Variants in INTS8 observed in about 807,000 individuals in gnomAD.
The protein encoded by INTS8 is protein kaonashi-1.
INTS8 carries 47 observed loss-of-function variants against 138.9 expected under a neutral mutation model. The observed-to-expected ratio is 0.34, with a 90% CI of 0.27 to 0.43. The LOEUF is 0.43. Among genes scored for constraint, INTS8 ranks in the 20% least tolerant of loss-of-function variants. The pLI is 1.00. For missense variants in INTS8, 996 were observed against 1,173.0 expected, an observed-to-expected ratio of 0.85 and a Z score of 2.20; for synonymous variants, 392 against 400.9, an observed-to-expected ratio of 0.98 and a Z score of 0.27.
intron 16 of INTS8, among the ~76,000 whole-genome samples, chr8:94,861,096 C>A (rs1173056809): frequency 6.7e-6 from 1 of 148,966 alleles, no homozygotes; most frequent in Admixed American, 6.7e-5. Context: ...CTGTGTTTTT[C>A]TGGGAACTTT....
rs368546594 is a variant in INTS8 at position 94,873,491 on chromosome 8, G to C, written c.2637+14G>C. ...TATACAGACCAGGTGAATTGTTTTC[G>C]TGGGCTGGCTGGTTTCTTGCCTACC... On this transcript the variant is annotated intron_variant, in intron 22 of 26. Transcript: ENST00000523731. The C allele has an allele frequency of 5.1e-6, 8 of 1,558,506 alleles. No individual in the cohort carries two copies. Among genetic ancestry groups the C allele is most frequent in the South Asian group, 2.2e-5 (2 of 89,836 alleles).
intron 13 of INTS8, among the ~76,000 whole-genome samples, chr8:94,853,192 T>C (rs139223150): frequency 6.6e-6 from 1 of 152,168 alleles, no homozygotes; most frequent in Non-Finnish European, 1.5e-5. Context: ...CGCACCTGTA[T>C]TTCCAGCTAC....
In INTS8 at chr8:94,876,481, CA is replaced by C; in HGVS notation, c.2866del (p.Ile956LeufsTer11). 6.4e-7 allele frequency: 1 copy of C among 1,552,768 alleles called. No individual in the cohort carries two copies. On this transcript the variant is annotated frameshift_variant, in exon 26 of 27. Coordinates refer to ENST00000523731, the MANE Select transcript of INTS8 (RefSeq NM_017864.4). LOFTEE classifies it high-confidence loss of function. ...TAAAAGAGGAGAAACAGATAAAAGA[CA>C]AATTGCAGTAAGTTACCTTATGCCT... Reference protein sequence around the residue: ...HHKRGETDKRQIAIKAIGQTE... With the variant: ...HHKRGETDKRXIAIKAIGQTE...
intron 20 of INTS8, among the ~76,000 whole-genome samples, chr8:94,868,381 T>C (rs1816260838): frequency 6.6e-6 from 1 of 152,194 alleles, no homozygotes; most frequent in Non-Finnish European, 1.5e-5. Flanking sequence ...GACAAGCTGA[T>C]AATAGAATAA....
chr8:94,829,942 A>G (rs1166375196), intron 5 of INTS8, among the ~76,000 whole-genome samples: 1 of 152,192 alleles, frequency 6.6e-6, no homozygotes, highest in African/African-American at 2.4e-5. Flanking sequence ...CTCTGTTACC[A>G]GGCCGGAGTG....
Position 94,874,247 on chromosome 8 carries a change from G to GT in INTS8, c.2638-294dup, listed in dbSNP as rs35033167. Among the ~76,000 whole-genome samples, 275 of 148,444 alleles carry GT rather than the reference G, an allele frequency of 1.9e-3. 1 individual carries two copies. The highest frequency in any genetic ancestry group is 6.8e-3 in the South Asian group (32 of 4,692). The stretch of plus-strand genomic sequence containing the variant: ...CTGCACCTGGTGTCAAATTTTGTCC[G>GT]TTTTTTTTTTTGATATGCATTGCCA... On this transcript the variant is annotated intron_variant, in intron 22 of 26. Coordinates refer to ENST00000523731, the MANE Select transcript of INTS8 (RefSeq NM_017864.4).
rs536015497 is a variant in INTS8, at chr8:94,853,861, A to G, written c.1698A>G (p.Thr566=). ...TCCTGGGAATTAAAGACAATTTAAC[A>G]AGAGATTTGGTTTATATTCTTATGG... The part of the protein sequence containing the change: ...GVILGIKDNL[T]RDLVYILMAK... Residue 566 remains threonine, a synonymous_variant, in exon 14 of 27, where the codon ACA becomes ACG. Transcript: ENST00000523731. The G allele has an allele frequency of 2.5e-6, 4 of 1,612,230 alleles. No homozygotes were observed. In the African/African-American group the frequency reaches 4.0e-5, roughly 16 times the overall value.
chr8:94,835,537 C>T (rs1364745990), intron 6 of INTS8, among the ~76,000 whole-genome samples: 2 of 152,024 alleles, frequency 1.3e-5, no homozygotes, highest in Non-Finnish European at 1.5e-5. Context: ...GGCTCCCCAG[C>T]GTTTTTTCCC....
At chr8:94,877,244 T>G (rs1313416515) in intron 26 of INTS8, among the ~76,000 whole-genome samples, 2 of 152,204 alleles carry the variant, frequency 1.3e-5, no homozygotes, top group African/African-American at 2.4e-5. Context: ...TGTCTAACAT[T>G]TACTGTGGCA....
chr8:94,850,009 G>A lies in INTS8; in HGVS notation c.1425G>A (p.Lys475=). 1 of 1,613,262 alleles carries A rather than the reference G, an allele frequency of 6.2e-7. No homozygotes were observed. The highest frequency in any genetic ancestry group is 8.5e-7 in the Non-Finnish European group (1 of 1,179,300). The part of the protein sequence containing the change: ...FITLLKDEER[K]LLVDQMRKRS... Reference sequence around the variant, plus strand: ...CATTGTTGAAAGATGAAGAACGAAAGCTACTTGTTGATCAGATGAGGAAGA... The same window carrying A: ...CATTGTTGAAAGATGAAGAACGAAAACTACTTGTTGATCAGATGAGGAAGA... The change falls in exon 12 of 27, where the codon AAG becomes AAA. Residue 475 remains lysine, a synonymous_variant. Coordinates refer to ENST00000523731, the MANE Select transcript of INTS8 (RefSeq NM_017864.4).
chr8:94,841,976 C>T (rs900747938), intron 9 of INTS8, among the ~76,000 whole-genome samples: 3 of 151,146 alleles, frequency 2.0e-5, no homozygotes, highest in South Asian at 2.1e-4. Context: ...GGCTGAGGCA[C>T]GAGAATCGCT....
chr8:94,830,772 A>G (rs1814683666), intron 5 of INTS8, among the ~76,000 whole-genome samples: 1 of 152,102 alleles, frequency 6.6e-6, no homozygotes, highest in Non-Finnish European at 1.5e-5. Context: ...TGCTGGTATT[A>G]CATATATGAG....
chr8:94,864,996 AT>A (rs1391080426), intron 16 of INTS8, among the ~76,000 whole-genome samples: 1 of 149,020 alleles, frequency 6.7e-6, no homozygotes, highest in Non-Finnish European at 1.5e-5. Context: ...TCCTTTCCTT[AT>A]TTTTTTCGTT....
intron 20 of INTS8, 118 bp downstream of exon 20, chr8:94,867,455 G>C: frequency 1.5e-6 from 1 of 679,600 alleles, no homozygotes; most frequent in East Asian, 2.8e-5. Context: ...AGATTCTACA[G>C]TCTTTGTGTT....
At chr8:94,879,487 T>TG (rs1816707045) in intron 26 of INTS8, among the ~76,000 whole-genome samples, 1 of 151,160 alleles carries the variant, frequency 6.6e-6, no homozygotes, top group African/African-American at 2.4e-5. Flanking sequence ...CCCAGCTACT[T>TG]GGGAGGCTGA....
chr8:94,866,273 C>A (rs1375198427), intron 18 of INTS8, 82 bp downstream of exon 18: 3 of 759,578 alleles, frequency 3.9e-6, no homozygotes, highest in Admixed American at 3.8e-5. Context: ...ACTTCAAATA[C>A]TGACTAAATT....
intron 20 of INTS8, among the ~76,000 whole-genome samples, chr8:94,869,376 G>T (rs1816304295): frequency 6.6e-6 from 1 of 152,076 alleles, no homozygotes; most frequent in African/African-American, 2.4e-5. Context: ...ACCCAAGCTG[G>T]AGTGCAATGG....
chr8:94,881,372 G>T lies in INTS8; in HGVS notation c.*1138G>T. ...AAACATTGCTATGGTATAGACTGTG[G>T]TTGGCTTCTATCCAGTAACCTTGGG... On this transcript the variant is annotated 3_prime_UTR_variant, in exon 27 of 27. Coordinates refer to ENST00000523731, the MANE Select transcript of INTS8 (RefSeq NM_017864.4). 1 of 506,080 alleles carries T rather than the reference G, an allele frequency of 2.0e-6. No homozygotes were observed. Among genetic ancestry groups the T allele is most frequent in the South Asian group, 3.1e-5 (1 of 32,784 alleles). The allele number at this position is 506,080 out of a possible 1,614,324, so 31.3% of individuals were successfully genotyped here. A position where few individuals can be genotyped will look rare whatever the true frequency, so the allele number is the denominator to read the frequency against.
intron 2 of INTS8, 50 bp from the exon 3 acceptor site, chr8:94,827,213 G>A: frequency 6.5e-7 from 1 of 1,533,464 alleles, no homozygotes; most frequent in South Asian, 1.1e-5. Context: ...TATGTATTTT[G>A]TGTTTCTTTC....
Sources: allele counts gnomAD v4.1 joint callset (sites outside exome capture counted in the v4.1 genomes callset), GRCh38; gene constraint gnomAD v4.1.1; transcripts MANE v1.5; gene names NCBI Gene and HGNC (gene_info 2026-07-23, HGNC 2026-07-21).